CFAP44: variants seen among roughly 807,000 people sequenced by gnomAD.
The protein encoded by CFAP44 is cilia- and flagella-associated protein 44.
Under a neutral mutation model 216.2 loss-of-function variants are expected in CFAP44, and 134 were observed. The ratio of observed to expected loss-of-function variants is 0.62; its 90% CI spans 0.54 to 0.72. CFAP44 has a LOEUF of 0.72. Ranked by LOEUF, CFAP44 falls within the 30% of genes least tolerant of loss-of-function variation. The pLI is 0.00. For synonymous variants in CFAP44, 700 were observed against 727.6 expected (o/e 0.96, Z 0.61); for missense variants, 2,035 against 2,182.1 (o/e 0.93, Z 1.34).
rs1278226585 is a variant in CFAP44 at position 113,363,159 on chromosome 3, G to A, written c.2920C>T (p.Gln974Ter). The A allele has an allele frequency of 6.2e-7, 1 of 1,607,866 alleles. No individual in the cohort carries two copies. The highest frequency in any genetic ancestry group is 1.7e-5 in the Admixed American group (1 of 58,966). The change falls in exon 21 of 35, where the codon CAG becomes TAG. Residue 974 changes from glutamine to a stop codon, truncating the protein, a stop_gained. Coordinates refer to ENST00000393845, the MANE Select transcript of CFAP44 (RefSeq NM_001164496.2). LOFTEE classifies it high-confidence loss of function. ...EMNEKLPKHM[Q>*]FKRTDFDVDS... ...ATTAGGCTTACTGTTCGTTTAAACT[G>A]CATATGCTTTGGTAATTTTTCATTC...
intron 21 of CFAP44, among the ~76,000 whole-genome samples, chr3:113,359,969 T>C (rs989646198): frequency 6.6e-6 from 1 of 151,742 alleles, no homozygotes; most frequent in African/African-American, 2.4e-5. Context: ...ATTATAGAAA[T>C]AGAAGCACAG....
At chr3:113,424,447 G>C (rs1390324475) in intron 4 of CFAP44, among the ~76,000 whole-genome samples, 1 of 151,740 alleles carries the variant, frequency 6.6e-6, no homozygotes, top group African/African-American at 2.4e-5. Flanking sequence ...AAACAAAACA[G>C]AACAAAACAA....
At chr3:113,333,727 C>A in intron 24 of CFAP44, 144 bp from the exon 25 acceptor site, 1 of 962,064 alleles carries the variant, frequency 1.0e-6, no homozygotes. Context: ...GTCACAGAGC[C>A]CAAGCATTTT....
chr3:113,401,054 T>C (rs574365593), intron 11 of CFAP44, among the ~76,000 whole-genome samples, 186 bp downstream of exon 11: 1 of 152,304 alleles, frequency 6.6e-6, no homozygotes, highest in Non-Finnish European at 1.5e-5. Flanking sequence ...AATTGTGTTA[T>C]GAGATAGATT....
intron 26 of CFAP44, 54 bp downstream of exon 26, chr3:113,330,114 T>C (rs988898051): frequency 7.1e-5 from 103 of 1,447,326 alleles, no homozygotes; most frequent in Non-Finnish European, 8.9e-5. Context: ...CGACCCAATT[T>C]TTTCCCTTCT....
In CFAP44 at chr3:113,426,286, A is replaced by G. The variant is rs201489070; in HGVS notation, c.254-9T>C. On this transcript the variant is annotated splice_polypyrimidine_tract_variant and intron_variant, in intron 3 of 34. Transcript: ENST00000393845. ...AGGGGTTTGCTGAGGTACTAAAAAAATAAAATAATTTAAGAAGAGTGATAT... is the reference window on the plus strand; with the variant it reads ...AGGGGTTTGCTGAGGTACTAAAAAAGTAAAATAATTTAAGAAGAGTGATAT... 1.3e-4 allele frequency: 215 copies of G among 1,611,750 alleles called. 1 individual carries two copies. In the East Asian group the frequency reaches 4.5e-3, roughly 34 times the overall value.
intron 22 of CFAP44, among the ~76,000 whole-genome samples, chr3:113,347,277 G>T (rs543769565): frequency 6.6e-6 from 1 of 152,160 alleles, no homozygotes. Context: ...CTGAGCCAAC[G>T]GTCAAGAGAG....
intron 8 of CFAP44, 27 bp downstream of exon 8, chr3:113,406,900 A>T: frequency 1.3e-6 from 2 of 1,541,574 alleles, no homozygotes; most frequent in Non-Finnish European, 1.8e-6. Context: ...CACAATTTTA[A>T]TATTGTAGAA....
chr3:113,420,224 C>T (rs757889589), intron 4 of CFAP44, 45 bp from the exon 5 acceptor site: 2 of 1,525,594 alleles, frequency 1.3e-6, no homozygotes, highest in Non-Finnish European at 1.8e-6. Flanking sequence ...ACACTACCAT[C>T]CTAGGGATTG....
In CFAP44 at chr3:113,309,349, G is replaced by T. The variant is rs183033242; in HGVS notation, c.4517-1081C>A. Among the ~76,000 whole-genome samples the T allele has an allele frequency of 1.9e-3, 291 of 152,250 alleles. 2 individuals are homozygous for T. Among genetic ancestry groups the T allele is most frequent in the African/African-American group, 5.7e-3 (238 of 41,536 alleles). On this transcript the variant is annotated intron_variant, in intron 28 of 34. Coordinates refer to ENST00000393845, the MANE Select transcript of CFAP44 (RefSeq NM_001164496.2). ...ACTTCTTAGTAATTTTCTGTCCACT[G>T]ACGCCCACTCTGTTCCTTGGCTATA... is the stretch of plus-strand genomic sequence containing the variant.
intron 26 of CFAP44, among the ~76,000 whole-genome samples, chr3:113,329,080 T>C (rs1483129683): frequency 6.6e-6 from 1 of 152,240 alleles, no homozygotes; most frequent in Admixed American, 6.5e-5. Context: ...ATGTTTGACA[T>C]TGTCCTAGAC....
intron 15 of CFAP44, among the ~76,000 whole-genome samples, chr3:113,392,098 C>A (rs1412494624): frequency 1.3e-5 from 2 of 152,116 alleles, no homozygotes; most frequent in African/African-American, 4.8e-5. Flanking sequence ...CATCTGTACT[C>A]CCATGTTTAT....
intron 1 of CFAP44, chr3:113,434,945 C>T (rs1234514013): frequency 6.6e-6 from 1 of 152,212 alleles, no homozygotes; most frequent in Non-Finnish European, 1.5e-5. Flanking sequence ...GACTGTCTCC[C>T]TTCAAGTGGG....
Position 113,326,467 on chromosome 3 carries a change from T to A in CFAP44, c.4494A>T (p.Lys1498Asn), listed in dbSNP as rs1950190501. The A allele has an allele frequency of 6.6e-7, 1 of 1,504,618 alleles. No individual in the cohort carries two copies. The highest frequency in any genetic ancestry group is 2.5e-5 in the East Asian group (1 of 40,286). The allele number at this position is 1,504,618 out of a possible 1,614,324, so 93.2% of individuals were successfully genotyped here. A position where few individuals can be genotyped will look rare whatever the true frequency, so the allele number is the denominator to read the frequency against. Residue 1498 changes from lysine to asparagine, a missense_variant, in exon 28 of 35, where the codon AAA (lysine) becomes AAT (asparagine). Lys to Asn is a moderately conservative substitution (Grantham distance 94). Around this residue, in one of 3 missense-constraint regions of CFAP44, gnomAD observed 1,883 missense variants for 2,023.7 expected, o/e 0.93. Coordinates refer to ENST00000393845, the MANE Select transcript of CFAP44 (RefSeq NM_001164496.2). Reference sequence around the variant, plus strand: ...AACCAGCATCTCCTTCAACTTCTTTTTTCTTTACCCGTTTAATCTTCTTCT... The same window carrying A: ...AACCAGCATCTCCTTCAACTTCTTTATTCTTTACCCGTTTAATCTTCTTCT... ...VLKKKIKRVK[K>N]KEVEGDADED...
At chr3:113,391,802 G>C (rs1176573672) in intron 15 of CFAP44, among the ~76,000 whole-genome samples, 1 of 152,074 alleles carries the variant, frequency 6.6e-6, no homozygotes, top group Non-Finnish European at 1.5e-5. Flanking sequence ...TATATGAAAA[G>C]GTGCTCAACA....
At chr3:113,329,858 C>T (rs187545367) in intron 26 of CFAP44, among the ~76,000 whole-genome samples, 11 of 152,292 alleles carry the variant, frequency 7.2e-5, no homozygotes, top group Middle Eastern at 6.8e-3. Context: ...AAAGCTGCTC[C>T]TCCACTTCCC....
chr3:113,317,238 A>T (rs1304408832), intron 28 of CFAP44, among the ~76,000 whole-genome samples: 1 of 152,218 alleles, frequency 6.6e-6, no homozygotes, highest in African/African-American at 2.4e-5. Flanking sequence ...CCCAGGGAGC[A>T]GGCAGAGACT....
At chr3:113,358,650 C>T (rs1364700874) in intron 22 of CFAP44, 95 bp downstream of exon 22, 6 of 1,429,620 alleles carry the variant, frequency 4.2e-6, no homozygotes, top group Non-Finnish European at 5.5e-6. Context: ...CTTCCAGAGC[C>T]CTCTTAACTG....
intron 24 of CFAP44, among the ~76,000 whole-genome samples, chr3:113,334,074 C>T (rs550241537): frequency 5.3e-4 from 80 of 152,042 alleles, no homozygotes; most frequent in African/African-American, 1.7e-3. Flanking sequence ...GCCTCAGCCT[C>T]CCAAGCAGCT....
Sources: allele counts gnomAD v4.1 joint callset (sites outside exome capture counted in the v4.1 genomes callset), GRCh38; gene constraint gnomAD v4.1.1; regional missense constraint gnomAD v4.1.1; transcripts MANE v1.5; gene names NCBI Gene and HGNC (gene_info 2026-07-23, HGNC 2026-07-21).